Variants in RHBDL3 observed in about 807,000 individuals in gnomAD.
RHBDL3 encodes rhomboid like 3.
In RHBDL3, 28 loss-of-function variants were observed where a neutral mutation model predicts 48.2. That is an observed-to-expected ratio of 0.58 (90% CI 0.43 to 0.80). The LOEUF is 0.80. Ranked by LOEUF, RHBDL3 falls within the 30% of genes least tolerant of loss-of-function variation. The pLI is 0.00. For missense variants in RHBDL3, 464 were observed against 542.7 expected, an observed-to-expected ratio of 0.85 and a Z score of 1.44; for synonymous variants, 208 against 232.3, an observed-to-expected ratio of 0.90 and a Z score of 0.95.
intron 6 of RHBDL3, among the ~76,000 whole-genome samples, chr17:32,303,854 G>T (rs902437868): frequency 2.0e-5 from 3 of 152,026 alleles, no homozygotes; most frequent in African/African-American, 7.2e-5. Flanking sequence ...TCCTAAGTCC[G>T]TGGATCTTGC....
rs554652069 is a variant in RHBDL3, at chr17:32,295,038, C to CT, written c.668+600dup. ...TATCCCTTGAAGAGCAGTCTGGAGG[C>CT]TTTTATATGGTAGAAGCACTTTGAT... On this transcript the variant is annotated intron_variant, in intron 5 of 8. Transcript: ENST00000269051. Among the ~76,000 whole-genome samples the CT allele has an allele frequency of 1.8e-4, 27 of 152,274 alleles. No homozygotes were observed. In the South Asian group the frequency reaches 5.6e-3, roughly 32 times the overall value.
chr17:32,294,282 T>C lies in RHBDL3; in HGVS notation c.520-12T>C. 1 of 1,612,560 alleles carries C rather than the reference T, an allele frequency of 6.2e-7. No homozygotes were observed. Among genetic ancestry groups the C allele is most frequent in the Non-Finnish European group, 8.5e-7 (1 of 1,179,192 alleles). The stretch of plus-strand genomic sequence containing the variant: ...TGTGCACCTAGTAACAGACTCTCTC[T>C]CTTCTGTCCAGGTTGCCTTTTTCCT... On this transcript the variant is annotated splice_polypyrimidine_tract_variant and intron_variant, in intron 4 of 8. Transcript: ENST00000269051.
At chr17:32,271,983 G>A (rs1209522375) in intron 2 of RHBDL3, among the ~76,000 whole-genome samples, 1 of 152,172 alleles carries the variant, frequency 6.6e-6, no homozygotes, top group African/African-American at 2.4e-5. Context: ...GATAGACCTG[G>A]GTTCAAGTCT....
At chr17:32,290,508 C>G (rs193064938) in intron 4 of RHBDL3, among the ~76,000 whole-genome samples, 1 of 152,236 alleles carries the variant, frequency 6.6e-6, no homozygotes, top group Non-Finnish European at 1.5e-5. Flanking sequence ...AGCCCTGGGG[C>G]TACAATGCCC....
chr17:32,283,309 C>G (rs995758271), intron 2 of RHBDL3, among the ~76,000 whole-genome samples: 3 of 143,524 alleles, frequency 2.1e-5, no homozygotes, highest in South Asian at 2.2e-4. Flanking sequence ...AAGATCCTGC[C>G]TTTTCTTCTT....
rs984544566 is a variant in RHBDL3 at position 32,323,306 on chromosome 17, A to T, written c.*2077A>T. 6.6e-6 allele frequency: 1 copy of T among 152,228 alleles called. No individual in the cohort carries two copies. The highest frequency in any genetic ancestry group is 1.5e-5 in the Non-Finnish European group (1 of 68,074). 9.4% of individuals were successfully genotyped at this position (152,228 alleles called of 1,614,324 possible). ...ACCGTTCTCTGCCCTAGTGATAGAA[A>T]GATGTAGATGGAAGTCAGTGCCTCA... On this transcript the variant is annotated 3_prime_UTR_variant, in exon 9 of 9. Coordinates refer to ENST00000269051, the MANE Select transcript of RHBDL3 (RefSeq NM_138328.3).
intron 2 of RHBDL3, among the ~76,000 whole-genome samples, chr17:32,274,531 T>A (rs1354283481): frequency 2.0e-5 from 3 of 152,174 alleles, no homozygotes; most frequent in Admixed American, 6.5e-5. Flanking sequence ...CTCATTTTGA[T>A]CTCTCAGCAG....
chr17:32,288,339 T>C, intron 3 of RHBDL3: 1 of 173,166 alleles, frequency 5.8e-6, no homozygotes, highest in Non-Finnish European at 1.3e-5. Flanking sequence ...CTAATCTGTC[T>C]TGAGCACCAC....
At chr17:32,307,253 G>A (rs1439296469) in intron 7 of RHBDL3, among the ~76,000 whole-genome samples, 1 of 152,120 alleles carries the variant, frequency 6.6e-6, no homozygotes, top group Non-Finnish European at 1.5e-5. Context: ...CATGGTAGAT[G>A]GTGCCCACTA....
rs1391191243 is a variant in RHBDL3 at position 32,321,877 on chromosome 17, G to T, written c.*648G>T. The T allele has an allele frequency of 6.3e-6, 1 of 158,454 alleles. No individual in the cohort carries two copies. Among genetic ancestry groups the T allele is most frequent in the Non-Finnish European group, 1.4e-5 (1 of 71,398 alleles). The allele number at this position is 158,454 out of a possible 1,614,324, so 9.8% of individuals were successfully genotyped here. A position where few individuals can be genotyped will look rare whatever the true frequency, so the allele number is the denominator to read the frequency against. ...GCTCTAGGACCCCTCTTGTGCTGGG[G>T]GTACCCAGTGAGAGGGACCCATGCA... On this transcript the variant is annotated 3_prime_UTR_variant, in exon 9 of 9. Transcript: ENST00000269051.
intron 2 of RHBDL3, among the ~76,000 whole-genome samples, chr17:32,274,484 C>T (rs906132377): frequency 5.9e-5 from 9 of 152,190 alleles, no homozygotes; most frequent in Non-Finnish European, 1.2e-4. Flanking sequence ...AGGGAGCAAA[C>T]ATTGAATGTC....
At chr17:32,318,092 G>A (rs954587363) in intron 8 of RHBDL3, among the ~76,000 whole-genome samples, 1 of 151,642 alleles carries the variant, frequency 6.6e-6, no homozygotes, top group African/African-American at 2.4e-5. Context: ...GGTGGCTTGC[G>A]CCTGTAGTCC....
rs2041196176 is a variant in RHBDL3 at position 32,323,747 on chromosome 17, C to G, written c.*2518C>G. 6.6e-6 allele frequency: 1 copy of G among 152,486 alleles called. No individual in the cohort carries two copies. The highest frequency in any genetic ancestry group is 1.5e-5 in the Non-Finnish European group (1 of 68,276). The allele number at this position is 152,486 out of a possible 1,614,324, so 9.4% of individuals were successfully genotyped here. A position where few individuals can be genotyped will look rare whatever the true frequency, so the allele number is the denominator to read the frequency against. ...CTGCTGCCAAGGACCCTCGTCTACA[C>G]CTTAGACCACCAGCCCCAGCTGTTC... On this transcript the variant is annotated 3_prime_UTR_variant, in exon 9 of 9. Coordinates refer to ENST00000269051, the MANE Select transcript of RHBDL3 (RefSeq NM_138328.3).
At chr17:32,296,747 A>T (rs1266007346) in intron 5 of RHBDL3, among the ~76,000 whole-genome samples, 1 of 151,648 alleles carries the variant, frequency 6.6e-6, no homozygotes, top group Non-Finnish European at 1.5e-5. Flanking sequence ...TTTTGAGAAC[A>T]TATTTTTCTT....
chr17:32,294,132 A>AAG (rs1467304805), intron 4 of RHBDL3, among the ~76,000 whole-genome samples, 162 bp from the exon 5 acceptor site: 2 of 151,934 alleles, frequency 1.3e-5, no homozygotes, highest in African/African-American at 4.8e-5. Context: ...CCATCTCAAA[A>AAG]AAAAAAAAAA....
At chr17:32,293,570 A>G (rs34637501) in intron 4 of RHBDL3, among the ~76,000 whole-genome samples, 10 of 148,346 alleles carry the variant, frequency 6.7e-5, no homozygotes, top group African/African-American at 2.3e-4. Flanking sequence ...ACAGAGCAAG[A>G]CCCTGTCTCA....
intron 7 of RHBDL3, among the ~76,000 whole-genome samples, chr17:32,311,584 C>A (rs898608753): frequency 9.9e-5 from 15 of 152,216 alleles, no homozygotes; most frequent in African/African-American, 3.4e-4. Context: ...TCCTCAGTTT[C>A]TTCTTCCCTA....
At chr17:32,289,386 G>A (rs558783420) in intron 4 of RHBDL3, among the ~76,000 whole-genome samples, 1 of 151,968 alleles carries the variant, frequency 6.6e-6, no homozygotes, top group Non-Finnish European at 1.5e-5. Context: ...AGTTTATTTA[G>A]TTCCTCCCTA....
rs916583129 is a variant in RHBDL3 at position 32,324,091 on chromosome 17, A to G, written c.*2862A>G. The G allele has an allele frequency of 6.6e-6, 1 of 152,370 alleles. No individual in the cohort carries two copies. The highest frequency in any genetic ancestry group is 1.5e-5 in the Non-Finnish European group (1 of 68,076). The allele number at this position is 152,370 out of a possible 1,614,324, so 9.4% of individuals were successfully genotyped here. A position where few individuals can be genotyped will look rare whatever the true frequency, so the allele number is the denominator to read the frequency against. ...TAGGTTGGCCTTTTATCCACAGGAT[A>G]CAGAAACTGAAAGCTGGGGAATCCC... On this transcript the variant is annotated 3_prime_UTR_variant, in exon 9 of 9. Transcript: ENST00000269051.
Sources: allele counts gnomAD v4.1 joint callset (sites outside exome capture counted in the v4.1 genomes callset), GRCh38; gene constraint gnomAD v4.1.1; transcripts MANE v1.5; gene names NCBI Gene and HGNC (gene_info 2026-07-23, HGNC 2026-07-21).